The following NCAM2 variants were observed in gnomAD, a reference collection of about 807,000 sequenced individuals.
NCAM2 encodes the protein N-CAM-2.
Under a neutral mutation model 98.1 loss-of-function variants are expected in NCAM2, and 30 were observed. That is an observed-to-expected ratio of 0.31 (90% CI 0.23 to 0.41). The LOEUF is 0.41. Ranked by LOEUF, NCAM2 falls within the 10% of genes least tolerant of loss-of-function variation. NCAM2 has a pLI of 1.00. For missense variants in NCAM2, 867 were observed against 1,005.8 expected (o/e 0.86, Z 1.87); for synonymous variants, 368 against 342.4 (o/e 1.07, Z -0.83).
chr21:21,154,434 A>T (rs2067546765), intron 1 of NCAM2, among the ~76,000 whole-genome samples: 2 of 151,856 alleles, frequency 1.3e-5, no homozygotes, highest in African/African-American at 4.8e-5. Context: ...AGTTGTGAGG[A>T]TTTCATAGTG....
At chr21:21,349,435 C>T (rs1473462051) in intron 8 of NCAM2, among the ~76,000 whole-genome samples, 1 of 152,064 alleles carries the variant, frequency 6.6e-6, no homozygotes, top group African/African-American at 2.4e-5. Flanking sequence ...ATAAGAAATG[C>T]TGACAAGGAC....
intron 10 of NCAM2, among the ~76,000 whole-genome samples, chr21:21,412,795 G>A (rs2076913799): frequency 6.6e-6 from 1 of 152,058 alleles, no homozygotes; most frequent in South Asian, 2.1e-4. Flanking sequence ...TGAAAACATA[G>A]CATAACAAAA....
intron 1 of NCAM2, among the ~76,000 whole-genome samples, chr21:21,101,490 G>T (rs945647824): frequency 6.6e-6 from 1 of 152,020 alleles, no homozygotes; most frequent in Non-Finnish European, 1.5e-5. Flanking sequence ...GTCAACATAA[G>T]TAACTGGTTT....
At chr21:21,263,830 A>C (rs913860920) in intron 1 of NCAM2, among the ~76,000 whole-genome samples, 6 of 152,244 alleles carry the variant, frequency 3.9e-5, no homozygotes, top group Admixed American at 1.3e-4. Flanking sequence ...CTGGACCCCT[A>C]ATTTGAACCA....
At chr21:21,057,966 G>A (rs974292331) in intron 1 of NCAM2, among the ~76,000 whole-genome samples, 11 of 151,976 alleles carry the variant, frequency 7.2e-5, no homozygotes, top group African/African-American at 2.7e-4. Flanking sequence ...ATGATATGAT[G>A]ATGTCTCCGA....
intron 1 of NCAM2, among the ~76,000 whole-genome samples, chr21:21,105,917 T>C (rs1329171947): frequency 6.6e-6 from 1 of 152,166 alleles, no homozygotes; most frequent in Non-Finnish European, 1.5e-5. Context: ...CATCATATCG[T>C]ATATAATTAA....
At chr21:21,170,591 A>G (rs1416265071) in intron 1 of NCAM2, among the ~76,000 whole-genome samples, 1 of 152,178 alleles carries the variant, frequency 6.6e-6, no homozygotes, top group Admixed American at 6.5e-5. Context: ...AGGGGAACAC[A>G]GAGGCTATTT....
At chr21:21,313,151 GTATTCT>G (rs2074110115) in intron 5 of NCAM2, among the ~76,000 whole-genome samples, 1 of 151,564 alleles carries the variant, frequency 6.6e-6, no homozygotes, top group Non-Finnish European at 1.5e-5. Context: ...TTTAATCATT[GTATTCT>G]TATTCCAAAT....
chr21:21,373,764 G>T, intron 8 of NCAM2, 99 bp from the exon 9 acceptor site: 1 of 1,059,342 alleles, frequency 9.4e-7, no homozygotes, highest in Non-Finnish European at 1.3e-6. Context: ...TTTTCTTTTT[G>T]CCAGAGAAAC....
intron 12 of NCAM2, among the ~76,000 whole-genome samples, chr21:21,461,671 G>A (rs1018360865): frequency 6.6e-6 from 1 of 151,508 alleles, no homozygotes; most frequent in Non-Finnish European, 1.5e-5. Flanking sequence ...ATGCATACAG[G>A]TAAAAGTATG....
intron 12 of NCAM2, among the ~76,000 whole-genome samples, chr21:21,465,479 C>G (rs555582517): frequency 6.6e-6 from 1 of 151,052 alleles, no homozygotes; most frequent in Non-Finnish European, 1.5e-5. Context: ...AAGAATGGAA[C>G]GCAAGGAAGT....
chr21:21,388,955 G>GT (rs1265225140), intron 9 of NCAM2, among the ~76,000 whole-genome samples: 1 of 152,098 alleles, frequency 6.6e-6, no homozygotes, highest in Non-Finnish European at 1.5e-5. Flanking sequence ...TGTATTAGTT[G>GT]TATGTATTTA....
At position 21,537,579 on chromosome 21, in the gene NCAM2, T is replaced by C. The variant is rs1288568970; in HGVS notation, c.2403-267T>C. On this transcript the variant is annotated intron_variant, in intron 17 of 17. Coordinates refer to ENST00000400546, the MANE Select transcript of NCAM2 (RefSeq NM_004540.5). ...ACAAATATATTGTTTCATTCATCAT[T>C]CTGCATTACATTTTTAAAAGGCCAA... Among the ~76,000 whole-genome samples the C allele has an allele frequency of 2.6e-5, 4 of 152,276 alleles. No homozygotes were observed. The East Asian group carries it at 7.7e-4, about 29-fold the overall frequency.
At chr21:21,210,527 A>G (rs1295162698) in intron 1 of NCAM2, 5 of 1,285,342 alleles carry the variant, frequency 3.9e-6, no homozygotes, top group African/African-American at 3.0e-5. Context: ...TTAAAGAACA[A>G]TTTCTTCTTT....
intron 11 of NCAM2, among the ~76,000 whole-genome samples, chr21:21,426,993 A>G (rs1298597371): frequency 6.6e-6 from 1 of 152,218 alleles, no homozygotes; most frequent in Non-Finnish European, 1.5e-5. Flanking sequence ...ACTTCCTTTT[A>G]AAAGAGAGTT....
At position 21,034,748 on chromosome 21, in the gene NCAM2, G is replaced by A. The variant is rs189194054; in HGVS notation, c.55+36130G>A. On this transcript the variant is annotated intron_variant, in intron 1 of 17. Transcript: ENST00000400546. ...GTACACCTTAGATTTCTTCTGAAAT[G>A]TATTTTTTTTCTCTCCAGTCCCTCA... Among the ~76,000 whole-genome samples, 527 of 152,174 alleles carry A rather than the reference G, an allele frequency of 3.5e-3. 2 individuals carry two copies. Among genetic ancestry groups the A allele is most frequent in the Middle Eastern group, 0.017 (5 of 294 alleles).
chr21:21,049,774 G>A (rs1476851115), intron 1 of NCAM2, among the ~76,000 whole-genome samples: 1 of 152,028 alleles, frequency 6.6e-6, no homozygotes, highest in African/African-American at 2.4e-5. Flanking sequence ...AGGAGGCTGA[G>A]GCAGGAGAAT....
chr21:21,123,846 TGC>T (rs2066727529), intron 1 of NCAM2, among the ~76,000 whole-genome samples: 2 of 100,434 alleles, frequency 2.0e-5, no homozygotes, highest in African/African-American at 3.7e-5. Context: ...CATTCTTGAT[TGC>T]TTTTTTTTTT....
At chr21:21,094,958 C>T (rs1028712239) in intron 1 of NCAM2, among the ~76,000 whole-genome samples, 4 of 151,664 alleles carry the variant, frequency 2.6e-5, no homozygotes, top group Non-Finnish European at 5.9e-5. Context: ...TTCCTCTGAA[C>T]ATTGATGTTC....
Sources: allele counts gnomAD v4.1 joint callset (sites outside exome capture counted in the v4.1 genomes callset), GRCh38; gene constraint gnomAD v4.1.1; transcripts MANE v1.5; gene names NCBI Gene and HGNC (gene_info 2026-07-23, HGNC 2026-07-21).